The following PPP1R1C variants were observed in gnomAD, a reference collection of about 807,000 sequenced individuals.
The protein encoded by PPP1R1C is protein phosphatase 1 regulatory inhibitor subunit 1C, also known as protein phosphatase 1 regulatory subunit 1C.
Under a neutral mutation model 17.4 loss-of-function variants are expected in PPP1R1C, and 15 were observed. The ratio of observed to expected loss-of-function variants is 0.86; its 90% confidence interval spans 0.58 to 1.33. The LOEUF is 1.33. Ranked by LOEUF, PPP1R1C falls within the 40% of genes most tolerant of loss-of-function variation. The pLI is 0.00. For synonymous variants in PPP1R1C, 35 were observed against 43.1 expected (o/e 0.81, Z 0.73); for missense variants, 143 against 130.0 (o/e 1.10, Z -0.48).
chr2:182,014,700 C>T (rs767938794), intron 2 of PPP1R1C, among the ~76,000 whole-genome samples: 15 of 152,000 alleles, frequency 9.9e-5, no homozygotes, highest in Non-Finnish European at 1.8e-4. Flanking sequence ...GAACAGGGAA[C>T]GTTAGTAACC....
chr2:182,114,707 C>T (rs977502430), intron 4 of PPP1R1C, among the ~76,000 whole-genome samples: 2 of 152,124 alleles, frequency 1.3e-5, no homozygotes, highest in African/African-American at 2.4e-5. Flanking sequence ...TAACATGTCA[C>T]CTGCTCCTGC....
chr2:182,058,179 T>C (rs907557396), intron 2 of PPP1R1C, among the ~76,000 whole-genome samples: 6 of 152,270 alleles, frequency 3.9e-5, no homozygotes, highest in East Asian at 1.9e-4. Context: ...TTACATTTAA[T>C]TGTCATGTCT....
intron 4 of PPP1R1C, among the ~76,000 whole-genome samples, chr2:182,078,588 A>G (rs1042243136): frequency 6.6e-6 from 1 of 152,218 alleles, no homozygotes; most frequent in Admixed American, 6.5e-5. Flanking sequence ...TCTTTCTGAT[A>G]TTGATAACCA....
At chr2:182,118,440 C>T (rs549894696), downstream of PPP1R1C, among the ~76,000 whole-genome samples, 2 of 151,940 alleles carry the variant, frequency 1.3e-5, no homozygotes, top group African/African-American at 4.8e-5. Flanking sequence ...CAGTTTGGTC[C>T]TTTATTAATA....
At chr2:182,103,947 C>T in intron 4 of PPP1R1C, 1 of 152,146 alleles carries the variant, frequency 6.6e-6, no homozygotes, top group East Asian at 1.9e-4. Context: ...ACTGAGGGGA[C>T]CAAAATACTT....
chr2:181,987,939 T>C (rs1444502438), intron 2 of PPP1R1C, 40 bp downstream of exon 2: 1 of 1,528,142 alleles, frequency 6.5e-7, no homozygotes, highest in Admixed American at 1.8e-5. Context: ...TGGAACAGAA[T>C]GGAATTGTTT....
intron 2 of PPP1R1C, among the ~76,000 whole-genome samples, chr2:181,979,379 T>A (rs1244853974): frequency 6.6e-6 from 1 of 152,248 alleles, no homozygotes; most frequent in Non-Finnish European, 1.5e-5. Context: ...GCTATTACTT[T>A]ATTTGAGGCT....
At chr2:182,099,172 T>C (rs1480721885) in intron 4 of PPP1R1C, among the ~76,000 whole-genome samples, 1 of 152,198 alleles carries the variant, frequency 6.6e-6, no homozygotes, top group African/African-American at 2.4e-5. Flanking sequence ...CAAGAGATCA[T>C]GGGCAACTCA....
chr2:182,124,343 T>G (rs1486225591), intron 5 of PPP1R1C, among the ~76,000 whole-genome samples: 3 of 147,716 alleles, frequency 2.0e-5, no homozygotes, highest in South Asian at 4.2e-4. Context: ...TTTTTTGTTT[T>G]TTTTTTTTTG....
At chr2:182,003,714 G>A (rs938668611) in intron 2 of PPP1R1C, among the ~76,000 whole-genome samples, 1 of 150,904 alleles carries the variant, frequency 6.6e-6, no homozygotes, top group African/African-American at 2.4e-5. Flanking sequence ...TGTGTAGTGT[G>A]TGTGTATGTA....
chr2:182,057,033 AC>A (rs1192958065), intron 2 of PPP1R1C, among the ~76,000 whole-genome samples: 2 of 152,232 alleles, frequency 1.3e-5, no homozygotes, highest in Non-Finnish European at 2.9e-5. Flanking sequence ...TGTATTTAGC[AC>A]CTACTATGAG....
At chr2:182,024,720 C>T (rs965530298) in intron 2 of PPP1R1C, among the ~76,000 whole-genome samples, 1 of 151,730 alleles carries the variant, frequency 6.6e-6, no homozygotes, top group African/African-American at 2.4e-5. Flanking sequence ...CCAGGCATGG[C>T]AGCATGAGCC....
At chr2:182,042,549 T>C (rs1687217820) in intron 2 of PPP1R1C, among the ~76,000 whole-genome samples, 1 of 152,124 alleles carries the variant, frequency 6.6e-6, no homozygotes, top group Admixed American at 6.5e-5. Context: ...CCTCTAGTGG[T>C]TGTGAACTGT....
At chr2:182,059,865 C>T (rs1416304518) in intron 2 of PPP1R1C, among the ~76,000 whole-genome samples, 1 of 152,092 alleles carries the variant, frequency 6.6e-6, no homozygotes, top group East Asian at 1.9e-4. Context: ...GATCAGATCC[C>T]ATTGTGTTTC....
intron 2 of PPP1R1C, among the ~76,000 whole-genome samples, chr2:182,012,432 G>A (rs1308204586): frequency 2.0e-5 from 3 of 151,720 alleles, no homozygotes; most frequent in Non-Finnish European, 4.4e-5. Context: ...TATATTGTAT[G>A]TCATTTCTGG....
At chr2:182,007,709 A>T (rs1685961692) in intron 2 of PPP1R1C, among the ~76,000 whole-genome samples, 1 of 152,204 alleles carries the variant, frequency 6.6e-6, no homozygotes, top group Non-Finnish European at 1.5e-5. Flanking sequence ...ATCTGGACCT[A>T]TCAAAAAATG....
At chr2:182,013,192 G>A (rs182172411) in intron 2 of PPP1R1C, among the ~76,000 whole-genome samples, 1 of 152,146 alleles carries the variant, frequency 6.6e-6, no homozygotes, top group Admixed American at 6.5e-5. Flanking sequence ...ACTTCCGTTA[G>A]CATTTCATAT....
chr2:181,969,380 A>G lies in PPP1R1C; in HGVS notation n.112-5839A>G, dbSNP rs150810602. On this transcript the variant is annotated intron_variant and non_coding_transcript_variant, in intron 1 of 5. Coordinates refer to the PPP1R1C transcript ENST00000464264. ...TTCTCTGGTTATACTATTCTAAGAT[A>G]CATATTTTTTTCTTTTAGCACTTTA... Among the ~76,000 whole-genome samples, 39 of 152,272 alleles carry G rather than the reference A, an allele frequency of 2.6e-4. No individual in the cohort carries two copies. The East Asian group carries it at 7.5e-3, about 29-fold the overall frequency.
At chr2:181,972,118 T>C (rs1559041625) in intron 1 of PPP1R1C, among the ~76,000 whole-genome samples, 1 of 152,224 alleles carries the variant, frequency 6.6e-6, no homozygotes. Flanking sequence ...AAGGGGACAA[T>C]TGGTAGAGAC....
Sources: gnomAD v4.1 joint callset for allele counts (sites outside exome capture counted in the v4.1 genomes callset) on GRCh38, gnomAD v4.1.1 for gene constraint, MANE v1.5 for transcripts, NCBI Gene and HGNC (gene_info 2026-07-23, HGNC 2026-07-21) for gene names.